The following VRTN variants were observed in gnomAD, a reference collection of about 807,000 sequenced individuals.
VRTN encodes the protein vertebrae development associated, also known as vertnin.
In VRTN, 5 loss-of-function variants were observed where a neutral mutation model predicts 18.2. The observed-to-expected ratio is 0.27, with a 90% CI of 0.14 to 0.58. VRTN has a LOEUF of 0.58. VRTN is among the 20% of genes least tolerant of loss of function. VRTN has a pLI of 0.91. For missense variants in VRTN, 741 were observed against 939.4 expected, an observed-to-expected ratio of 0.79 and a Z score of 2.76; for synonymous variants, 381 against 393.7, an observed-to-expected ratio of 0.97 and a Z score of 0.38.
At position 74,357,842 on chromosome 14, in the gene VRTN, G is replaced by A. The variant is rs1194736072; in HGVS notation, c.1059G>A (p.Glu353=). 1.2e-6 allele frequency: 2 copies of A among 1,613,726 alleles called. No individual in the cohort carries two copies. Residue 353 remains glutamate (E), a synonymous_variant, in exon 2 of 2, where the codon GAG becomes GAA. Transcript: ENST00000256362. This position sits in a 1 kb window ranked among gnomAD's most constrained non-coding sequence, Gnocchi z 7.8. Reference sequence around the variant, plus strand: ...CAACCTACTATGCCTGGAAGCATGAGCTGCTGGGCTCTGGCACCTGCCCGG... The same window carrying A: ...CAACCTACTATGCCTGGAAGCATGAACTGCTGGGCTCTGGCACCTGCCCGG... ...SRSTYYAWKH[E]LLGSGTCPAL... is the part of the protein sequence containing the mutation.
intron 1 of VRTN, among the ~76,000 whole-genome samples, chr14:74,337,223 G>A (rs909567776): frequency 3.9e-5 from 6 of 151,974 alleles, no homozygotes; most frequent in Admixed American, 1.3e-4. Flanking sequence ...CATGCCTGTA[G>A]TCCCAGCTAT....
rs569932631 is a variant in VRTN at position 74,303,599 on chromosome 14, G to A, written c.-164+423G>A. ...TGATCGATAGATAAGATAGATAGTT[G>A]AATGAATGAAATGCTTATCAGTTGA... On this transcript the variant is annotated intron_variant, in intron 1 of 2. Transcript: ENST00000557177. Among the ~76,000 whole-genome samples the A allele has an allele frequency of 3.3e-5, 5 of 152,244 alleles. No individual in the cohort carries two copies. The South Asian group carries it at 1.0e-3, about 32-fold the overall frequency.
chr14:74,341,822 T>A (rs961888537), intron 2 of VRTN, among the ~76,000 whole-genome samples: 1 of 152,178 alleles, frequency 6.6e-6, no homozygotes, highest in African/African-American at 2.4e-5. Flanking sequence ...CCTGGCCGCA[T>A]GTCTTTTTGT....
rs779953247 is a variant in VRTN, at chr14:74,358,692, G to A, written c.1909G>A (p.Asp637Asn). ...QPVVAAAGGR[D>N]GRMLVMDMIA... ...TGTGGTGGCAGCAGCGGGTGGCAGG[G>A]ATGGCCGGATGCTGGTGATGGACAT... Residue 637 changes from aspartate to asparagine, a missense_variant, in exon 2 of 2, where the codon GAT becomes AAT. Physicochemically the swap from Asp to Asn is conservative, Grantham distance 23. Coordinates refer to ENST00000256362, the MANE Select transcript of VRTN (RefSeq NM_018228.3). This position sits in a 1 kb window ranked among gnomAD's most constrained non-coding sequence, Gnocchi z 5.4. The A allele has an allele frequency of 5.6e-6, 9 of 1,613,906 alleles. No individual in the cohort carries two copies. Among genetic ancestry groups the A allele is most frequent in the African/African-American group, 1.3e-5 (1 of 74,954 alleles).
chr14:74,350,217 G>A lies in VRTN; in HGVS notation c.-2+1565G>A, dbSNP rs577230161. Among the ~76,000 whole-genome samples the A allele has an allele frequency of 1.7e-4, 26 of 152,262 alleles. No individual in the cohort carries two copies. In the South Asian group the frequency reaches 5.4e-3, roughly 32 times the overall value. ...TTTCCACACGGCCCTATTCTCTGGT[G>A]GGCGAATCCATCTGTGGGTTGGGAG... On this transcript the variant is annotated intron_variant, in intron 1 of 1. Coordinates refer to ENST00000256362, the MANE Select transcript of VRTN (RefSeq NM_018228.3).
intron 1 of VRTN, among the ~76,000 whole-genome samples, chr14:74,308,585 G>A (rs1380125990): frequency 6.6e-6 from 1 of 152,006 alleles, no homozygotes; most frequent in Non-Finnish European, 1.5e-5. Context: ...TGTGATCTCG[G>A]CCCACTGCAA....
At chr14:74,355,058 C>T (rs1000915872) in intron 1 of VRTN, among the ~76,000 whole-genome samples, 1 of 150,410 alleles carries the variant, frequency 6.6e-6, no homozygotes, top group African/African-American at 2.4e-5. Flanking sequence ...AGGCAAATCT[C>T]TTGAACCCGG....
intron 1 of VRTN, among the ~76,000 whole-genome samples, chr14:74,351,893 G>C (rs113126192): frequency 8.6e-5 from 13 of 152,004 alleles, no homozygotes; most frequent in African/African-American, 2.2e-4. Context: ...TTCCAGGCTA[G>C]AGTACAGTGG....
At chr14:74,323,556 G>T (rs2140197964) in intron 1 of VRTN, among the ~76,000 whole-genome samples, 1 of 151,776 alleles carries the variant, frequency 6.6e-6, no homozygotes. Context: ...TGCACTCCAG[G>T]CTGGGCGACA....
In VRTN at chr14:74,358,370, C is replaced by T; in HGVS notation, c.1587C>T (p.Phe529=). Residue 529 remains phenylalanine, a synonymous_variant, in exon 2 of 2, where the codon TTC becomes TTT. Coordinates refer to ENST00000256362, the MANE Select transcript of VRTN (RefSeq NM_018228.3). The surrounding 1 kb of genome is among the most constrained non-coding windows in gnomAD (Gnocchi z 5.4). The part of the protein sequence containing the change: ...VLSGHLPFCR[F]RLRYPSLSPS... ...GTGGGCATCTCCCTTTCTGCCGCTT[C>T]CGCCTCCGCTACCCCAGCCTGTCAC... 1 of 1,613,864 alleles carries T rather than the reference C, an allele frequency of 6.2e-7. No homozygotes were observed. The highest frequency in any genetic ancestry group is 8.5e-7 in the Non-Finnish European group (1 of 1,180,014).
At chr14:74,329,536 GT>G (rs749711325) in intron 1 of VRTN, among the ~76,000 whole-genome samples, 15 of 151,958 alleles carry the variant, frequency 9.9e-5, no homozygotes, top group Non-Finnish European at 1.9e-4. Flanking sequence ...GGTCTACCAA[GT>G]GCTGGGATTC....
At chr14:74,339,861 C>T (rs577924809) in intron 2 of VRTN, among the ~76,000 whole-genome samples, 1 of 152,108 alleles carries the variant, frequency 6.6e-6, no homozygotes, top group Non-Finnish European at 1.5e-5. Flanking sequence ...AAAAGTAAGA[C>T]TAGCAGTAAT....
At chr14:74,303,527 G>A (rs2085176726) in intron 1 of VRTN, among the ~76,000 whole-genome samples, 1 of 152,184 alleles carries the variant, frequency 6.6e-6, no homozygotes, top group South Asian at 2.1e-4. Context: ...CTCCAGCCTG[G>A]GCGACAAAGA....
At chr14:74,355,648 C>T (rs1767799672) in intron 1 of VRTN, among the ~76,000 whole-genome samples, 1 of 152,140 alleles carries the variant, frequency 6.6e-6, no homozygotes, top group Non-Finnish European at 1.5e-5. Flanking sequence ...GATTCTCGTG[C>T]CTCAGCCTCC....
chr14:74,305,345 AAAAG>A (rs1379076853), intron 1 of VRTN: 1 of 152,240 alleles, frequency 6.6e-6, no homozygotes, highest in African/African-American at 2.4e-5. Flanking sequence ...AAAAAAAAAA[AAAAG>A]AAGAAGAAGA....
intron 1 of VRTN, among the ~76,000 whole-genome samples, chr14:74,316,433 A>C (rs540044410): frequency 1.1e-3 from 173 of 151,728 alleles, no homozygotes; most frequent in Non-Finnish European, 1.7e-3. Flanking sequence ...GAATCACTTG[A>C]ACCTGGGAGG....
upstream of VRTN, among the ~76,000 whole-genome samples, chr14:74,346,959 G>C (rs1244508150): frequency 6.6e-6 from 1 of 152,164 alleles, no homozygotes. Context: ...AGAACATAGT[G>C]TGGAAAGAAA....
At chr14:74,336,674 T>C (rs2085566897) in intron 1 of VRTN, among the ~76,000 whole-genome samples, 2 of 152,114 alleles carry the variant, frequency 1.3e-5, no homozygotes, top group South Asian at 4.1e-4. Context: ...AAATGTTCCC[T>C]CCTGGTGAAT....
In VRTN at chr14:74,303,190, AT is replaced by A. The variant is rs560602301; in HGVS notation, c.-164+16del. Reference sequence around the variant, plus strand: ...AACTACTTTATGGCAAGTATTTTAGATTCTGTGTATAATAGATGTTTTACAT... The same window carrying A: ...AACTACTTTATGGCAAGTATTTTAGATCTGTGTATAATAGATGTTTTACAT... On this transcript the variant is annotated intron_variant, in intron 1 of 2. Coordinates refer to the VRTN transcript ENST00000557177. 25 of 398,516 alleles carry A rather than the reference AT, an allele frequency of 6.3e-5. No homozygotes were observed. The South Asian group carries it at 2.3e-3, about 37-fold the overall frequency. The allele number at this position is 398,516 out of a possible 1,614,324, so 24.7% of individuals were successfully genotyped here.
Sources: gnomAD v4.1 joint callset for allele counts (sites outside exome capture counted in the v4.1 genomes callset) on GRCh38, gnomAD v4.1.1 for gene constraint, Gnocchi (gnomAD v3.1) non-coding constraint, MANE v1.5 for transcripts, NCBI Gene and HGNC (gene_info 2026-07-23, HGNC 2026-07-21) for gene names.